The following ACTR3C variants were observed in gnomAD, a reference collection of about 807,000 sequenced individuals.
The protein encoded by ACTR3C is actin-related protein 3C.
A neutral mutation model predicts 26.3 loss-of-function variants in ACTR3C; 18 were observed. The observed-to-expected ratio is 0.68, with a 90% confidence interval of 0.47 to 1.01. ACTR3C has a LOEUF of 1.01. Ranked by LOEUF, ACTR3C falls within the 50% of genes least tolerant of loss-of-function variation. The probability of loss-of-function intolerance (pLI) is 0.00; values close to 1 mark genes in which losing one functional copy is unlikely to be tolerated. For missense variants in ACTR3C, 184 were observed against 250.7 expected (o/e 0.73, Z 1.80); for synonymous variants, 55 against 94.5 (o/e 0.58, Z 2.42).
the ACTR3C span, chr7:150,076,666 AG>A: frequency 6.6e-6 from 1 of 152,214 alleles, no homozygotes; most frequent in Non-Finnish European, 1.5e-5. Flanking sequence ...CAAAGGTCAT[AG>A]GTAAGTATTT....
At chr7:150,065,038 GT>G in the ACTR3C span, among the ~76,000 whole-genome samples, 1 of 151,746 alleles carries the variant, frequency 6.6e-6, no homozygotes, top group African/African-American at 2.4e-5. Flanking sequence ...TTCTAGGGGT[GT>G]TTAGATGGAT....
chr7:150,321,664 C>G (rs919815855), intron 1 of ACTR3C, among the ~76,000 whole-genome samples: 1 of 152,152 alleles, frequency 6.6e-6, no homozygotes, highest in Non-Finnish European at 1.5e-5. Flanking sequence ...CGCTTGAACT[C>G]AGGAGGTGGA....
chr7:149,943,239 T>C, the ACTR3C span, among the ~76,000 whole-genome samples: 5 of 141,426 alleles, frequency 3.5e-5, no homozygotes, highest in Non-Finnish European at 7.4e-5. Context: ...GCCTAAAATA[T>C]TTACTATTTG....
chr7:150,312,204 T>C (rs1012069353), intron 1 of ACTR3C, among the ~76,000 whole-genome samples: 4 of 152,198 alleles, frequency 2.6e-5, no homozygotes, highest in African/African-American at 9.7e-5. Context: ...TCCCACCTAC[T>C]CTTCTTCTAA....
At chr7:149,998,602 G>C in the ACTR3C span, among the ~76,000 whole-genome samples, 1 of 149,280 alleles carries the variant, frequency 6.7e-6, no homozygotes, top group African/African-American at 2.5e-5. Context: ...CAGATCTCGT[G>C]AGAACTCACT....
the ACTR3C span, among the ~76,000 whole-genome samples, chr7:149,981,677 T>A: frequency 6.6e-6 from 1 of 151,496 alleles, no homozygotes; most frequent in Non-Finnish European, 1.5e-5. Context: ...AAGGCATTTG[T>A]CTTTCACACC....
the ACTR3C span, among the ~76,000 whole-genome samples, chr7:150,030,646 A>C: frequency 6.6e-6 from 1 of 152,150 alleles, no homozygotes; most frequent in African/African-American, 2.4e-5. Context: ...CAGGAAGGTG[A>C]CCTTGCCCTT....
the ACTR3C span, among the ~76,000 whole-genome samples, chr7:150,064,781 T>C: frequency 6.6e-6 from 1 of 151,716 alleles, no homozygotes; most frequent in South Asian, 2.1e-4. Context: ...AGTCTATTCA[T>C]TTTTTAAGTA....
the ACTR3C span, among the ~76,000 whole-genome samples, chr7:150,163,903 C>T: frequency 5.1e-4 from 78 of 152,246 alleles, 1 homozygote; most frequent in African/African-American, 1.8e-3. Flanking sequence ...AAATGCTAAT[C>T]CCATCTAGAA....
the ACTR3C span, among the ~76,000 whole-genome samples, chr7:150,042,784 C>T: frequency 7.4e-4 from 111 of 150,880 alleles, no homozygotes; most frequent in African/African-American, 2.3e-3. Flanking sequence ...TGTTTAGAGA[C>T]GTAGGCTACC....
At chr7:150,169,818 G>T in the ACTR3C span, among the ~76,000 whole-genome samples, 1 of 150,648 alleles carries the variant, frequency 6.6e-6, no homozygotes, top group Non-Finnish European at 1.5e-5. Flanking sequence ...TGAGCTTAAG[G>T]CTTAATTAAT....
chr7:150,130,218 T>G, the ACTR3C span, among the ~76,000 whole-genome samples: 1 of 152,136 alleles, frequency 6.6e-6, no homozygotes, highest in Non-Finnish European at 1.5e-5. Flanking sequence ...ACTATAAAAT[T>G]TCTAGAAACA....
At chr7:150,219,111 A>G in the ACTR3C span, among the ~76,000 whole-genome samples, 1 of 149,602 alleles carries the variant, frequency 6.7e-6, no homozygotes, top group African/African-American at 2.6e-5. Context: ...ACAAAACAAG[A>G]ATTCCTTTAT....
At chr7:149,979,032 C>G in the ACTR3C span, among the ~76,000 whole-genome samples, 1 of 151,746 alleles carries the variant, frequency 6.6e-6, no homozygotes, top group Non-Finnish European at 1.5e-5. Flanking sequence ...CTCAGAAACA[C>G]GGTATGTGTC....
the ACTR3C span, among the ~76,000 whole-genome samples, chr7:150,181,828 T>C: frequency 3.3e-5 from 5 of 150,588 alleles, no homozygotes; most frequent in Non-Finnish European, 7.3e-5. Flanking sequence ...CCCTACAAAA[T>C]ACTGAAATTG....
intron 6 of ACTR3C, among the ~76,000 whole-genome samples, chr7:150,279,764 T>C (rs1203057003): frequency 6.6e-6 from 1 of 152,226 alleles, no homozygotes; most frequent in Non-Finnish European, 1.5e-5. Flanking sequence ...CTTGATCCCC[T>C]CTAATTAAAT....
chr7:150,128,260 G>A, the ACTR3C span, among the ~76,000 whole-genome samples: 2 of 152,188 alleles, frequency 1.3e-5, no homozygotes, highest in South Asian at 4.1e-4. Flanking sequence ...ATTGCAGCTT[G>A]TCTGAAGATA....
At chr7:149,921,276 T>C in the ACTR3C span, among the ~76,000 whole-genome samples, 6 of 152,290 alleles carry the variant, frequency 3.9e-5, no homozygotes, top group South Asian at 1.0e-3. Context: ...TCTGGACTCT[T>C]CTCCCACAGC....
chr7:150,151,556 T>C, the ACTR3C span, among the ~76,000 whole-genome samples: 1 of 136,350 alleles, frequency 7.3e-6, no homozygotes, highest in African/African-American at 2.5e-5. Flanking sequence ...TCTGTCTGAA[T>C]TTGTTTTAGG....
Sources: allele counts gnomAD v4.1 joint callset (sites outside exome capture counted in the v4.1 genomes callset), GRCh38; gene constraint gnomAD v4.1.1; transcripts MANE v1.5; gene names NCBI Gene and HGNC (gene_info 2026-07-23, HGNC 2026-07-21).